SMARCD1: variants seen among roughly 807,000 people sequenced by gnomAD.
SMARCD1 encodes SWI/SNF related BAF chromatin remodeling complex subunit D1, also known as SWI/SNF-related matrix-associated actin-dependent regulator of chromatin subfamily D member 1.
Under a neutral mutation model 70.8 loss-of-function variants are expected in SMARCD1, and 16 were observed. That is an observed-to-expected ratio of 0.23 (90% CI 0.15 to 0.34). The LOEUF is 0.34. SMARCD1 is among the 10% of genes least tolerant of loss of function. The pLI is 1.00. For synonymous variants in SMARCD1, 249 were observed against 246.0 expected (o/e 1.01, Z -0.11); for missense variants, 409 against 655.5 (o/e 0.62, Z 4.11).
In SMARCD1 at chr12:50,098,340, G is replaced by A. The variant is rs528444565; in HGVS notation, c.1393-374G>A. On this transcript the variant is annotated intron_variant, in intron 11 of 12. Transcript: ENST00000394963. ...AGTGTGGGCAGCACTGCTTCCTTCCGCGAGCTGGGAGGGAGACTCTGTTCT... is the reference window on the plus strand; with the variant it reads ...AGTGTGGGCAGCACTGCTTCCTTCCACGAGCTGGGAGGGAGACTCTGTTCT... Among the ~76,000 whole-genome samples, 25 of 152,278 alleles carry A rather than the reference G, an allele frequency of 1.6e-4. 1 individual carries two copies. In the Middle Eastern group the frequency reaches 0.02, roughly 124 times the overall value.
At chr12:50,090,131 AT>A in intron 7 of SMARCD1, 109 bp from the exon 8 acceptor site, 2 of 1,353,706 alleles carry the variant, frequency 1.5e-6, no homozygotes, top group Non-Finnish European at 2.1e-6. Context: ...TCTTCCTAGA[AT>A]TTTTCTGTCC....
At chr12:50,086,953 T>C in intron 4 of SMARCD1, 75 bp downstream of exon 4, 1 of 1,465,238 alleles carries the variant, frequency 6.8e-7, no homozygotes, top group Non-Finnish European at 9.4e-7. Flanking sequence ...GGATGAGAAA[T>C]CAAAGGCACA....
intron 2 of SMARCD1, 43 bp from the exon 3 acceptor site, chr12:50,086,578 A>G (rs1015472279): frequency 1.6e-5 from 26 of 1,593,998 alleles, no homozygotes; most frequent in Non-Finnish European, 2.2e-5. Context: ...TCACGTTCTG[A>G]CTAGTTCTGT....
rs184880079 is a variant in SMARCD1 at position 50,094,587 on chromosome 12, C to T, written c.1269+15C>T. 37 of 1,612,316 alleles carry T rather than the reference C, an allele frequency of 2.3e-5. No homozygotes were observed. In the Admixed American group the frequency reaches 5.0e-4, roughly 22 times the overall value. On this transcript the variant is annotated intron_variant, in intron 10 of 12. Coordinates refer to ENST00000394963, the MANE Select transcript of SMARCD1 (RefSeq NM_003076.5). The stretch of plus-strand genomic sequence containing the variant: ...TAGACAACAAGGTAGGGGTCTGTGC[C>T]CTGGATAGTTGGGTACCACCAGCCC...
chr12:50,086,042 C>T (rs936225620), intron 1 of SMARCD1, 119 bp from the exon 2 acceptor site: 28 of 710,798 alleles, frequency 3.9e-5, no homozygotes, highest in East Asian at 5.5e-5. Context: ...CTCTCATTGT[C>T]CTCCATTCCA....
At chr12:50,093,419 T>A (rs1222755875) in intron 9 of SMARCD1, among the ~76,000 whole-genome samples, 1 of 151,984 alleles carries the variant, frequency 6.6e-6, no homozygotes, top group Non-Finnish European at 1.5e-5. Flanking sequence ...CCGTGTTGGC[T>A]TCCCAGAATG....
chr12:50,086,938 A>T, intron 4 of SMARCD1, 60 bp downstream of exon 4: 1 of 1,559,320 alleles, frequency 6.4e-7, no homozygotes, highest in Non-Finnish European at 8.8e-7. Flanking sequence ...CCTTCAGCAG[A>T]ATTAGGATGA....
Position 50,088,517 on chromosome 12 carries a change from C to T in SMARCD1, c.655-4C>T. Reference sequence around the variant, plus strand: ...TAATGTGATTTTTATTTTCTCTCCTCTAGTCAGCCTTGTCCAAATATGATG... The same window carrying T: ...TAATGTGATTTTTATTTTCTCTCCTTTAGTCAGCCTTGTCCAAATATGATG... On this transcript the variant is annotated splice_polypyrimidine_tract_variant and splice_region_variant and intron_variant, in intron 5 of 12. Coordinates refer to ENST00000394963, the MANE Select transcript of SMARCD1 (RefSeq NM_003076.5). 6.6e-7 allele frequency: 1 copy of T among 1,511,066 alleles called. No homozygotes were observed. Among genetic ancestry groups the T allele is most frequent in the Non-Finnish European group, 9.1e-7 (1 of 1,102,194 alleles). The allele number at this position is 1,511,066 out of a possible 1,614,324, so 93.6% of individuals were successfully genotyped here.
At chr12:50,086,422 A>G in intron 2 of SMARCD1, 74 bp downstream of exon 2, 2 of 1,370,580 alleles carry the variant, frequency 1.5e-6, no homozygotes, top group South Asian at 2.7e-5. Flanking sequence ...TACCTGAACC[A>G]AGAAGTGGTG....
At chr12:50,086,485 G>T in intron 2 of SMARCD1, 136 bp from the exon 3 acceptor site, 1 of 1,027,314 alleles carries the variant, frequency 9.7e-7, no homozygotes, top group South Asian at 1.5e-5. Flanking sequence ...ATGCTTGGTG[G>T]TGGTGGTGGT....
At chr12:50,085,761 C>G in intron 1 of SMARCD1, 1 of 423,554 alleles carries the variant, frequency 2.4e-6, no homozygotes, top group Non-Finnish European at 4.0e-6. Context: ...GGTAGAGAAC[C>G]TGGGTGGGTG....
At position 50,086,200 on chromosome 12, in the gene SMARCD1, G is replaced by A; in HGVS notation, c.217G>A (p.Gly73Arg). Residue 73 changes from glycine to arginine, a missense_variant, in exon 2 of 13, where the codon GGA becomes AGA. Coordinates refer to ENST00000394963, the MANE Select transcript of SMARCD1 (RefSeq NM_003076.5). ...GCCAGGCAGCCGAATGACACCTCAG[G>A]GACCTTCCATGGGACCCCCTGGCTA... Reference protein sequence around the residue: ...MLPGSRMTPQGPSMGPPGYGG... With the variant: ...MLPGSRMTPQRPSMGPPGYGG... The A allele has an allele frequency of 6.2e-7, 1 of 1,600,372 alleles. No homozygotes were observed. The highest frequency in any genetic ancestry group is 8.5e-7 in the Non-Finnish European group (1 of 1,172,174).
At chr12:50,086,375 G>T in intron 2 of SMARCD1, 27 bp downstream of exon 2, 1 of 1,480,626 alleles carries the variant, frequency 6.8e-7, no homozygotes, top group Non-Finnish European at 9.3e-7. Context: ...GCAGAGGGAG[G>T]GAGGGAGGGA....
chr12:50,096,430 A>G (rs1950893649), intron 10 of SMARCD1, among the ~76,000 whole-genome samples: 8 of 152,218 alleles, frequency 5.3e-5, no homozygotes, highest in Admixed American at 5.2e-4. Flanking sequence ...GAAGATATAC[A>G]AGTCAAAGAA....
At chr12:50,095,886 A>T (rs1424885194) in intron 10 of SMARCD1, among the ~76,000 whole-genome samples, 1 of 152,218 alleles carries the variant, frequency 6.6e-6, no homozygotes, top group Non-Finnish European at 1.5e-5. Flanking sequence ...AGAACCTTTG[A>T]TTCAGGGAAA....
chr12:50,097,704 C>T (rs1429892222), intron 11 of SMARCD1, among the ~76,000 whole-genome samples: 6 of 151,692 alleles, frequency 4.0e-5, no homozygotes, highest in Non-Finnish European at 8.8e-5. Flanking sequence ...CTAGCCTGGC[C>T]AACATGGTGA....
In SMARCD1 at chr12:50,098,976, A is replaced by G. The variant is rs746132987; in HGVS notation, c.1524A>G (p.Gln508=). Residue 508 remains glutamine, a synonymous_variant, in exon 13 of 13, where the codon CAA becomes CAG. Transcript: ENST00000394963. The stretch of plus-strand genomic sequence containing the variant: ...AGCAGAGACGACAAGAATTAGAGCA[A>G]GCCCTGGGAATCCGGAATACATAGG... The part of the protein sequence containing the change: ...KVQQRRQELE[Q]ALGIRNT 12 of 1,614,010 alleles carry G rather than the reference A, an allele frequency of 7.4e-6. No homozygotes were observed. Among genetic ancestry groups the G allele is most frequent in the Admixed American group, 3.3e-5 (2 of 59,996 alleles).
intron 9 of SMARCD1, among the ~76,000 whole-genome samples, chr12:50,091,898 C>A (rs1301507306): frequency 9.2e-5 from 14 of 152,072 alleles, no homozygotes; most frequent in Admixed American, 3.3e-4. Flanking sequence ...TATTTAAAGC[C>A]CAAAGATCAG....
rs1434647813 is a variant in SMARCD1, at chr12:50,100,327, CCCT to C, written c.*1332_*1334del. ...CTGACAAAGCCCCTGCTTCCCCACCCCCTCCTCAGGCTCCTGCGAGCACACCCC... is the reference window on the plus strand; with the variant it reads ...CTGACAAAGCCCCTGCTTCCCCACCCCCTCAGGCTCCTGCGAGCACACCCC... On this transcript the variant is annotated 3_prime_UTR_variant, in exon 13 of 13. Transcript: ENST00000394963. The C allele has an allele frequency of 1.3e-5, 2 of 152,118 alleles. No individual in the cohort carries two copies. The highest frequency in any genetic ancestry group is 2.4e-5 in the African/African-American group (1 of 41,228). 9.4% of individuals were successfully genotyped at this position (152,118 alleles called of 1,614,324 possible).
Sources: gnomAD v4.1 joint callset for allele counts (sites outside exome capture counted in the v4.1 genomes callset) on GRCh38, gnomAD v4.1.1 for gene constraint, MANE v1.5 for transcripts, NCBI Gene and HGNC (gene_info 2026-07-23, HGNC 2026-07-21) for gene names.